CHST11: variants seen among roughly 807,000 people sequenced by gnomAD.
CHST11 encodes C4S-1.
In CHST11, 9 loss-of-function variants were observed where a neutral mutation model predicts 30.4. That is an observed-to-expected ratio of 0.30 (90% CI 0.18 to 0.52). CHST11 has a LOEUF of 0.52. CHST11 is among the 20% of genes least tolerant of loss of function. CHST11 has a pLI of 0.97. For missense variants in CHST11, 348 were observed against 460.6 expected (o/e 0.76, Z 2.24); for synonymous variants, 152 against 187.8 (o/e 0.81, Z 1.56).
chr12:104,743,471 C>T (rs2040364709), intron 2 of CHST11, among the ~76,000 whole-genome samples: 1 of 152,182 alleles, frequency 6.6e-6, no homozygotes, highest in Non-Finnish European at 1.5e-5. Flanking sequence ...AAGGCACCCC[C>T]TTACTATCCT....
intron 1 of CHST11, among the ~76,000 whole-genome samples, chr12:104,527,348 G>A (rs777297043): frequency 6.6e-6 from 1 of 152,156 alleles, no homozygotes; most frequent in Non-Finnish European, 1.5e-5. Context: ...TACCTTGACC[G>A]ATGGGGTATA....
intron 2 of CHST11, among the ~76,000 whole-genome samples, chr12:104,664,869 A>C (rs181785375): frequency 2.4e-4 from 37 of 152,304 alleles, no homozygotes; most frequent in Non-Finnish European, 2.9e-5. Context: ...CCATTTATTA[A>C]ATTTATGGAA....
rs895465384 is a variant in CHST11, at chr12:104,548,085, C to A, written c.119-53821C>A. The stretch of plus-strand genomic sequence containing the variant: ...GGGCCTTCTGTTACTTGTAACCAAA[C>A]GTATCTTAATTGATGCAGGCTTGTT... On this transcript the variant is annotated intron_variant, in intron 1 of 2. Transcript: ENST00000303694. 2.0e-5 allele frequency among the ~76,000 whole-genome samples: 3 copies of A among 152,278 alleles called. No homozygotes were observed. The South Asian group carries it at 6.2e-4, about 32-fold the overall frequency.
At position 104,757,474 on chromosome 12, in the gene CHST11, C is replaced by T; in HGVS notation, c.730C>T (p.Leu244Phe). 2 of 1,614,112 alleles carry T rather than the reference C, an allele frequency of 1.2e-6. No homozygotes were observed. Among genetic ancestry groups the T allele is most frequent in the Non-Finnish European group, 1.7e-6 (2 of 1,180,036 alleles). Reference sequence around the variant, plus strand: ...CAAATTCGAGGAGTTTGTGGCCTATCTCATCGACCCACACACCCAGCGGGA... The same window carrying T: ...CAAATTCGAGGAGTTTGTGGCCTATTTCATCGACCCACACACCCAGCGGGA... Reference protein sequence around the residue: ...DVKFEEFVAYLIDPHTQREEP... With the variant: ...DVKFEEFVAYFIDPHTQREEP... Residue 244 changes from leucine to phenylalanine, a missense_variant, in exon 3 of 3, where the codon CTC becomes TTC. Leu to Phe is a conservative substitution (Grantham distance 22). Coordinates refer to ENST00000303694, the MANE Select transcript of CHST11 (RefSeq NM_018413.6). This position sits in a 1 kb window ranked among gnomAD's most constrained non-coding sequence, Gnocchi z 6.5.
chr12:104,619,014 A>G (rs1180917742), intron 2 of CHST11, among the ~76,000 whole-genome samples: 1 of 152,208 alleles, frequency 6.6e-6, no homozygotes, highest in Non-Finnish European at 1.5e-5. Flanking sequence ...GAGCTTGTAA[A>G]TGGGCTGAGT....
Position 104,584,793 on chromosome 12 carries a change from A to G in CHST11, c.119-17113A>G, listed in dbSNP as rs148131085. On this transcript the variant is annotated intron_variant, in intron 1 of 2. Coordinates refer to ENST00000303694, the MANE Select transcript of CHST11 (RefSeq NM_018413.6). ...TAGTTCATATCCTAGAGTGTTTCCA[A>G]TTTTTGGCCACTAGAAGGGAAATTC... 8.4e-3 allele frequency among the ~76,000 whole-genome samples: 1,286 copies of G among 152,246 alleles called. 21 individuals carry two copies. Among genetic ancestry groups the G allele is most frequent in the African/African-American group, 0.029 (1,219 of 41,522 alleles).
intron 1 of CHST11, among the ~76,000 whole-genome samples, chr12:104,459,216 C>T (rs1331191692): frequency 6.6e-6 from 1 of 152,198 alleles, no homozygotes; most frequent in Non-Finnish European, 1.5e-5. Flanking sequence ...GGCTTGCATT[C>T]CGGCAGGCAG....
intron 2 of CHST11, among the ~76,000 whole-genome samples, chr12:104,677,891 T>C (rs1053078524): frequency 6.6e-6 from 1 of 152,178 alleles, no homozygotes; most frequent in Admixed American, 6.5e-5. Context: ...TCCTCAAACA[T>C]GTCAAACAGG....
chr12:104,694,815 C>G (rs1010660548), intron 2 of CHST11, among the ~76,000 whole-genome samples: 1 of 152,210 alleles, frequency 6.6e-6, no homozygotes, highest in Non-Finnish European at 1.5e-5. Flanking sequence ...CTTCTGGCAT[C>G]AGAACTTTAT....
intron 2 of CHST11, among the ~76,000 whole-genome samples, chr12:104,722,155 A>AGAGTGTGTGTGTGT (rs1555247508): frequency 7.3e-6 from 1 of 137,482 alleles, no homozygotes; most frequent in African/African-American, 2.9e-5. Context: ...CACTCAGCTA[A>AGAGTGTGTGTGTGT]GTGTGTGTGT....
intron 1 of CHST11, among the ~76,000 whole-genome samples, chr12:104,495,743 T>C (rs1278476664): frequency 6.6e-6 from 1 of 152,196 alleles, no homozygotes; most frequent in Non-Finnish European, 1.5e-5. Context: ...AAATTGAGGC[T>C]TGGAGAATGT....
At chr12:104,741,535 GA>G (rs1412399286) in intron 2 of CHST11, among the ~76,000 whole-genome samples, 1 of 152,206 alleles carries the variant, frequency 6.6e-6, no homozygotes, top group East Asian at 1.9e-4. Context: ...GAAATTCCAT[GA>G]ATCCTTTACA....
At chr12:104,726,097 G>A (rs1408214370) in intron 2 of CHST11, among the ~76,000 whole-genome samples, 7 of 152,172 alleles carry the variant, frequency 4.6e-5, no homozygotes, top group Non-Finnish European at 8.8e-5. Flanking sequence ...TGTTGACAGA[G>A]GTCAGAGAAG....
intron 1 of CHST11, among the ~76,000 whole-genome samples, chr12:104,471,933 G>A (rs973142829): frequency 5.9e-5 from 9 of 151,894 alleles, no homozygotes; most frequent in African/African-American, 2.2e-4. Context: ...TTGAACTAGG[G>A]CTTTTTTTGG....
intron 2 of CHST11, among the ~76,000 whole-genome samples, chr12:104,674,175 T>C (rs2039720232): frequency 6.6e-6 from 1 of 152,180 alleles, no homozygotes; most frequent in African/African-American, 2.4e-5. Context: ...AAACCTTAGC[T>C]GTTCTGCTAG....
chr12:104,759,712 A>G lies in CHST11; in HGVS notation c.*1909A>G, dbSNP rs1269273595. ...GGAGAAGGTAGCTGAAGCTATTTAT[A>G]AAACGTTGTGTACCTTCTTCCGAGC... On this transcript the variant is annotated 3_prime_UTR_variant, in exon 3 of 3. Coordinates refer to ENST00000303694, the MANE Select transcript of CHST11 (RefSeq NM_018413.6). 6.6e-6 allele frequency: 1 copy of G among 152,188 alleles called. No individual in the cohort carries two copies. The highest frequency in any genetic ancestry group is 1.9e-4 in the East Asian group (1 of 5,188). The allele number at this position is 152,188 out of a possible 1,614,324, so 9.4% of individuals were successfully genotyped here.
chr12:104,603,829 G>A (rs1423025710), intron 2 of CHST11, among the ~76,000 whole-genome samples: 1 of 152,188 alleles, frequency 6.6e-6, no homozygotes, highest in Non-Finnish European at 1.5e-5. Context: ...TTCTTTCCTT[G>A]ATTTATAATG....
At position 104,622,356 on chromosome 12, in the gene CHST11, C is replaced by T. The variant is rs548336293; in HGVS notation, c.204+20365C>T. On this transcript the variant is annotated intron_variant, in intron 2 of 2. Transcript: ENST00000303694. The stretch of plus-strand genomic sequence containing the variant: ...AGTACATTTATTTTTTTTAAAAGGA[C>T]GGAGTAAATATTTGGAATTAATGGT... Among the ~76,000 whole-genome samples, 56 of 152,080 alleles carry T rather than the reference C, an allele frequency of 3.7e-4. No homozygotes were observed. In the South Asian group the frequency reaches 0.011, roughly 29 times the overall value.
At chr12:104,640,967 C>A (rs1335134487) in intron 2 of CHST11, among the ~76,000 whole-genome samples, 1 of 152,114 alleles carries the variant, frequency 6.6e-6, no homozygotes, top group African/African-American at 2.4e-5. Flanking sequence ...CATAAATACC[C>A]CAGGCTCAGC....
Sources: allele counts gnomAD v4.1 joint callset (sites outside exome capture counted in the v4.1 genomes callset), GRCh38; gene constraint gnomAD v4.1.1; non-coding constraint Gnocchi (gnomAD v3.1); transcripts MANE v1.5; gene names NCBI Gene and HGNC (gene_info 2026-07-23, HGNC 2026-07-21).